The following PLCL1 variants were observed in gnomAD, a reference collection of about 807,000 sequenced individuals.
The protein encoded by PLCL1 is inactive phospholipase C-like protein 1.
Under a neutral mutation model 84.4 loss-of-function variants are expected in PLCL1, and 41 were observed. The ratio of observed to expected loss-of-function variants is 0.49; its 90% CI spans 0.38 to 0.63. PLCL1 has a LOEUF of 0.63. Among genes scored for constraint, PLCL1 ranks in the 30% least tolerant of loss-of-function variants. The pLI, the probability that PLCL1 is intolerant of heterozygous loss-of-function variation, is 0.00. For missense variants in PLCL1, 1,206 were observed against 1,367.8 expected, an observed-to-expected ratio of 0.88 and a Z score of 1.87; for synonymous variants, 490 against 488.3, an observed-to-expected ratio of 1.00 and a Z score of -0.05.
intron 1 of PLCL1, among the ~76,000 whole-genome samples, chr2:197,834,981 G>A (rs1691153547): frequency 6.6e-6 from 1 of 152,180 alleles, no homozygotes; most frequent in Admixed American, 6.5e-5. Flanking sequence ...AAAAAAGGAT[G>A]AGTTCATGTC....
At chr2:197,883,908 CTTTGT>C (rs1687873381) in intron 1 of PLCL1, among the ~76,000 whole-genome samples, 1 of 152,052 alleles carries the variant, frequency 6.6e-6, no homozygotes, top group Non-Finnish European at 1.5e-5. Flanking sequence ...TTTTTCTTCT[CTTTGT>C]TTTAAGTACA....
chr2:197,950,755 G>A (rs1689375014), intron 1 of PLCL1, among the ~76,000 whole-genome samples: 1 of 152,092 alleles, frequency 6.6e-6, no homozygotes, highest in African/African-American at 2.4e-5. Context: ...CTAAATCTAA[G>A]TAGGCAGAAT....
At chr2:198,136,480 T>C (rs1694258166) in intron 5 of PLCL1, among the ~76,000 whole-genome samples, 1 of 151,520 alleles carries the variant, frequency 6.6e-6, no homozygotes, top group Admixed American at 6.6e-5. Flanking sequence ...ATGGTTACGA[T>C]TCAAAGTCTC....
intron 1 of PLCL1, among the ~76,000 whole-genome samples, chr2:197,869,150 T>C (rs1461278553): frequency 1.3e-5 from 2 of 152,136 alleles, no homozygotes; most frequent in South Asian, 4.1e-4. Flanking sequence ...ACTTAGGCTC[T>C]GATGAGTGAA....
intron 5 of PLCL1, among the ~76,000 whole-genome samples, chr2:198,131,057 T>C (rs1694108536): frequency 6.6e-6 from 1 of 152,146 alleles, no homozygotes; most frequent in African/African-American, 2.4e-5. Context: ...CATTGCCTTC[T>C]TCTTCCATGC....
At chr2:198,121,813 A>G (rs1274284917) in intron 5 of PLCL1, among the ~76,000 whole-genome samples, 4 of 152,040 alleles carry the variant, frequency 2.6e-5, no homozygotes, top group Non-Finnish European at 5.9e-5. Context: ...TCCCATATGC[A>G]CTGGACTGGC....
intron 1 of PLCL1, among the ~76,000 whole-genome samples, chr2:198,045,981 G>A (rs1691778346): frequency 6.6e-6 from 1 of 152,166 alleles, no homozygotes; most frequent in Non-Finnish European, 1.5e-5. Context: ...ACTGCTTGTT[G>A]AGTTTGAATA....
chr2:197,981,201 AC>A (rs1313269807), intron 1 of PLCL1, among the ~76,000 whole-genome samples: 9 of 152,158 alleles, frequency 5.9e-5, no homozygotes, highest in Admixed American at 5.2e-4. Context: ...AGGGCAAAAG[AC>A]CTTTCCACGT....
intron 1 of PLCL1, among the ~76,000 whole-genome samples, chr2:197,959,731 G>A (rs950587404): frequency 6.6e-6 from 1 of 151,932 alleles, no homozygotes; most frequent in Non-Finnish European, 1.5e-5. Context: ...TGTATTTCTA[G>A]TTTCTTGGGA....
chr2:197,956,409 G>T (rs1279858057), intron 1 of PLCL1, among the ~76,000 whole-genome samples: 2 of 152,270 alleles, frequency 1.3e-5, no homozygotes, highest in East Asian at 1.9e-4. Flanking sequence ...ATAGTACAAT[G>T]ATTTATGATC....
intron 5 of PLCL1, among the ~76,000 whole-genome samples, chr2:198,139,191 G>T (rs933821849): frequency 7.9e-5 from 12 of 152,030 alleles, no homozygotes; most frequent in African/African-American, 2.9e-4. Context: ...GTTTTGATGT[G>T]GTGTATGGAC....
At chr2:197,985,271 C>T (rs765641217) in intron 1 of PLCL1, among the ~76,000 whole-genome samples, 3 of 152,172 alleles carry the variant, frequency 2.0e-5, no homozygotes, top group Non-Finnish European at 4.4e-5. Context: ...AACAAAACAA[C>T]CACCTCACAG....
intron 1 of PLCL1, among the ~76,000 whole-genome samples, chr2:198,047,679 G>T (rs1230947954): frequency 6.6e-6 from 1 of 152,188 alleles, no homozygotes; most frequent in African/African-American, 2.4e-5. Context: ...GGGGAAAAGG[G>T]TGATCTTGGA....
chr2:198,046,303 G>A (rs1574271147), intron 1 of PLCL1, among the ~76,000 whole-genome samples: 1 of 152,164 alleles, frequency 6.6e-6, no homozygotes, highest in Middle Eastern at 3.4e-3. Flanking sequence ...TTATAGTACT[G>A]TATTTCTTAA....
At chr2:198,079,118 A>AT (rs763239990) in intron 1 of PLCL1, among the ~76,000 whole-genome samples, 22 of 151,338 alleles carry the variant, frequency 1.5e-4, no homozygotes, top group East Asian at 7.8e-4. Context: ...AAGAAAAATG[A>AT]TTTTTTTTTT....
chr2:197,951,581 G>A lies in PLCL1; in HGVS notation c.241-132177G>A, dbSNP rs561933979. Among the ~76,000 whole-genome samples the A allele has an allele frequency of 5.3e-5, 8 of 152,292 alleles. No individual in the cohort carries two copies. In the South Asian group the frequency reaches 1.7e-3, roughly 32 times the overall value. ...CAGTGAGAAGGTCAGACTGTGGAGAGAAGCATACCTCCTGTAGTTTGAGTG... is the reference window on the plus strand; with the variant it reads ...CAGTGAGAAGGTCAGACTGTGGAGAAAAGCATACCTCCTGTAGTTTGAGTG... On this transcript the variant is annotated intron_variant, in intron 1 of 5. Transcript: ENST00000428675.
At chr2:197,958,125 G>T (rs1296446740) in intron 1 of PLCL1, among the ~76,000 whole-genome samples, 2 of 151,828 alleles carry the variant, frequency 1.3e-5, no homozygotes, top group Admixed American at 6.6e-5. Flanking sequence ...ACAACTCTTT[G>T]GTTAAGGGTT....
chr2:198,091,575 G>T (rs1193560991), intron 3 of PLCL1, among the ~76,000 whole-genome samples: 1 of 151,962 alleles, frequency 6.6e-6, no homozygotes, highest in Non-Finnish European at 1.5e-5. Flanking sequence ...AGCTACTTGG[G>T]AGGCTGAGGC....
chr2:197,974,379 T>C (rs1689926090), intron 1 of PLCL1, among the ~76,000 whole-genome samples: 1 of 152,222 alleles, frequency 6.6e-6, no homozygotes, highest in South Asian at 2.1e-4. Flanking sequence ...GTCCTGTAAT[T>C]CATCTTGAGC....
Sources: allele counts gnomAD v4.1 joint callset (sites outside exome capture counted in the v4.1 genomes callset), GRCh38; gene constraint gnomAD v4.1.1; transcripts MANE v1.5; gene names NCBI Gene and HGNC (gene_info 2026-07-23, HGNC 2026-07-21).